The following CTNND1 variants were observed in gnomAD, a reference collection of about 807,000 sequenced individuals.
CTNND1 encodes the protein catenin delta 1.
In CTNND1, 16 loss-of-function variants were observed where a neutral mutation model predicts 112.1. The ratio of observed to expected loss-of-function variants is 0.14; its 90% CI spans 0.10 to 0.22. The LOEUF is 0.22. Among genes scored for constraint, CTNND1 ranks in the 10% least tolerant of loss-of-function variants. The pLI is 1.00. For synonymous variants in CTNND1, 420 were observed against 446.5 expected, an observed-to-expected ratio of 0.94 and a Z score of 0.75; for missense variants, 1,008 against 1,257.0, an observed-to-expected ratio of 0.80 and a Z score of 3.00.
rs2062300797 is a variant in CTNND1, at chr11:57,803,753, C to T, written c.1553C>T (p.Pro518Leu). The part of the protein sequence containing the change: ...WEREPNEDCK[P>L]RHIEWESVLT... ...CGGGAACCTAATGAAGACTGTAAGCCACGCCACATTGAGTGGGAATCGGTG... is the reference window on the plus strand; with the variant it reads ...CGGGAACCTAATGAAGACTGTAAGCTACGCCACATTGAGTGGGAATCGGTG... The change falls in exon 8 of 21, where the codon CCA becomes CTA. Residue 518 changes from proline to leucine, a missense_variant. This residue lies in a region of CTNND1 where 216 missense variants were observed against 342.8 expected (regional missense o/e 0.63). Transcript: ENST00000399050. 1 of 1,612,924 alleles carries T rather than the reference C, an allele frequency of 6.2e-7. No homozygotes were observed. Among genetic ancestry groups the T allele is most frequent in the Admixed American group, 1.7e-5 (1 of 59,878 alleles).
chr11:57,779,246 C>T (rs933253217), intron 1 of CTNND1, among the ~76,000 whole-genome samples: 1 of 152,164 alleles, frequency 6.6e-6, no homozygotes, highest in African/African-American at 2.4e-5. Context: ...GAAACCTACC[C>T]GCTTAGTATT....
rs922697360 is a variant in CTNND1, at chr11:57,803,485, A to T, written c.1421-136A>T. On this transcript the variant is annotated intron_variant, in intron 7 of 20. Coordinates refer to ENST00000399050, the MANE Select transcript of CTNND1 (RefSeq NM_001085458.2). The stretch of plus-strand genomic sequence containing the variant: ...TGTTTCTTGGTGAGGGTCGCAAACA[A>T]AGCTTGAATATTACTATAAGGTATT... The T allele has an allele frequency of 5.3e-6, 3 of 562,504 alleles. No individual in the cohort carries two copies. In the East Asian group the frequency reaches 9.5e-5, roughly 18 times the overall value. The allele number at this position is 562,504 out of a possible 1,614,324, so 34.8% of individuals were successfully genotyped here.
In CTNND1 at chr11:57,792,448, C is replaced by T. The variant is rs11229129; in HGVS notation, c.195+775C>T. ...GTGTGCGTGTGTGCGCGCGCACTCG[C>T]GCATGTGTGTGTGTGGTAGACATTG... On this transcript the variant is annotated intron_variant, in intron 3 of 20. Transcript: ENST00000399050. 7.2e-3 allele frequency among the ~76,000 whole-genome samples: 1,101 copies of T among 152,262 alleles called. 20 individuals carry two copies. The highest frequency in any genetic ancestry group is 0.025 in the African/African-American group (1,044 of 41,548).
intron 1 of CTNND1, among the ~76,000 whole-genome samples, chr11:57,784,364 A>G (rs986454877): frequency 1.0e-4 from 15 of 150,648 alleles, no homozygotes; most frequent in Non-Finnish European, 1.5e-5. Context: ...AGCTGTGATC[A>G]CACCACTGCA....
intron 5 of CTNND1, 140 bp downstream of exon 5, chr11:57,795,869 TAGAA>T (rs2061306921): frequency 3.2e-6 from 3 of 935,074 alleles, no homozygotes; most frequent in Middle Eastern, 3.4e-4. Flanking sequence ...TCTGGCCAGA[TAGAA>T]AGGATGAAGA....
At chr11:57,787,928 C>A (rs1004610437) in intron 1 of CTNND1, among the ~76,000 whole-genome samples, 1 of 152,260 alleles carries the variant, frequency 6.6e-6, no homozygotes, top group African/African-American at 2.4e-5. Context: ...TAACCTTCTT[C>A]ACTGAATTTA....
At chr11:57,763,786 G>C (rs1008345767) in intron 1 of CTNND1, 1 of 152,300 alleles carries the variant, frequency 6.6e-6, no homozygotes, top group Admixed American at 6.5e-5. Context: ...TCAACCTTTA[G>C]GGGGAGGGAT....
Position 57,818,151 on chromosome 11 carries a change from C to G in CTNND1, c.*1843C>G, listed in dbSNP as rs2064073101. Reference sequence around the variant, plus strand: ...GGAAAATTGCCCCATCCAGACCTGGCTCCACTCTTGATCTCTCTTGTCCTC... The same window carrying G: ...GGAAAATTGCCCCATCCAGACCTGGGTCCACTCTTGATCTCTCTTGTCCTC... On this transcript the variant is annotated 3_prime_UTR_variant, in exon 21 of 21. Transcript: ENST00000399050. 1 of 152,382 alleles carries G rather than the reference C, an allele frequency of 6.6e-6. No homozygotes were observed. Among genetic ancestry groups the G allele is most frequent in the Non-Finnish European group, 1.5e-5 (1 of 68,042 alleles). 9.4% of individuals were successfully genotyped at this position (152,382 alleles called of 1,614,324 possible).
At chr11:57,799,105 A>G (rs1157123368) in intron 6 of CTNND1, among the ~76,000 whole-genome samples, 1 of 152,206 alleles carries the variant, frequency 6.6e-6, no homozygotes, top group African/African-American at 2.4e-5. Flanking sequence ...GGCTGGGCCC[A>G]GGGGTAGAGG....
intron 18 of CTNND1, among the ~76,000 whole-genome samples, chr11:57,814,700 T>G (rs999993650): frequency 6.6e-6 from 1 of 152,108 alleles, no homozygotes; most frequent in Non-Finnish European, 1.5e-5. Context: ...CCAACTATTC[T>G]GCTTGCTATT....
Position 57,815,417 on chromosome 11 carries a change from G to A in CTNND1, c.2725G>A (p.Glu909Lys), listed in dbSNP as rs778423432. 1 of 1,605,030 alleles carries A rather than the reference G, an allele frequency of 6.2e-7. No homozygotes were observed. ...SLDNNYSTPN[E>K]RGDHNRTLDR... ...AGATAACAACTATTCCACACCAAAT[G>A]AGAGAGGAGACCACAATAGAACACT... Residue 909 changes from glutamate (E) to lysine (K), a missense_variant, in exon 19 of 21, where the codon GAG (glutamate) becomes AAG (lysine). Coordinates refer to ENST00000399050, the MANE Select transcript of CTNND1 (RefSeq NM_001085458.2).
chr11:57,776,221 G>C (rs932617289), intron 1 of CTNND1, among the ~76,000 whole-genome samples: 12 of 152,154 alleles, frequency 7.9e-5, no homozygotes, highest in African/African-American at 2.7e-4. Flanking sequence ...ATGTGAGTTT[G>C]AACTGAGGTC....
At chr11:57,812,534 A>T (rs1036558276) in intron 17 of CTNND1, among the ~76,000 whole-genome samples, 2 of 152,150 alleles carry the variant, frequency 1.3e-5, no homozygotes, top group Non-Finnish European at 2.9e-5. Context: ...AGAAAAAAAA[A>T]ATCACTTTTA....
At chr11:57,767,432 A>G (rs1951383968) in intron 1 of CTNND1, among the ~76,000 whole-genome samples, 1 of 152,092 alleles carries the variant, frequency 6.6e-6, no homozygotes, top group South Asian at 2.1e-4. Context: ...TATACTCTTC[A>G]TTTGCCTAGG....
At chr11:57,810,826 G>A (rs886247686) in intron 16 of CTNND1, among the ~76,000 whole-genome samples, 6 of 151,852 alleles carry the variant, frequency 4.0e-5, no homozygotes, top group African/African-American at 1.5e-4. Context: ...GCGTGGTGTT[G>A]TTTGCCAGTA....
At chr11:57,771,510 G>C (rs927514484) in intron 1 of CTNND1, among the ~76,000 whole-genome samples, 1 of 152,112 alleles carries the variant, frequency 6.6e-6, no homozygotes, top group East Asian at 1.9e-4. Context: ...GTAGATATGA[G>C]GAGTAGGAAG....
At chr11:57,806,634 T>G in intron 11 of CTNND1, 156 bp downstream of exon 11, 1 of 699,136 alleles carries the variant, frequency 1.4e-6, no homozygotes, top group Non-Finnish European at 2.5e-6. Context: ...TTGGAGCTAA[T>G]AGCTCACGGC....
At chr11:57,814,499 C>A in intron 18 of CTNND1, 126 bp downstream of exon 18, 1 of 658,936 alleles carries the variant, frequency 1.5e-6, no homozygotes, top group Non-Finnish European at 2.6e-6. Context: ...ATTGGCTGAT[C>A]ATTTCCATTT....
intron 1 of CTNND1, 63 bp downstream of exon 1, chr11:57,762,182 T>C: frequency 1.3e-6 from 1 of 778,122 alleles, no homozygotes; most frequent in Non-Finnish European, 1.6e-6. Context: ...TTTAAGCAAT[T>C]ATTTTTCTTT....
Sources: gnomAD v4.1 joint callset for allele counts (sites outside exome capture counted in the v4.1 genomes callset) on GRCh38, gnomAD v4.1.1 for gene constraint, gnomAD v4.1.1 regional missense constraint, MANE v1.5 for transcripts, NCBI Gene and HGNC (gene_info 2026-07-23, HGNC 2026-07-21) for gene names.